Variants in FOCAD observed in about 807,000 individuals in gnomAD.
The protein encoded by FOCAD is focadhesin.
Under a neutral mutation model 225.6 loss-of-function variants are expected in FOCAD, and 198 were observed. The observed-to-expected ratio is 0.88, with a 90% confidence interval of 0.78 to 0.99. FOCAD has a LOEUF of 0.99. FOCAD is among the 50% of genes least tolerant of loss of function. FOCAD has a pLI of 0.00. For missense variants in FOCAD, 2,713 were observed against 2,123.6 expected, an observed-to-expected ratio of 1.28 and a Z score of -5.46; for synonymous variants, 897 against 755.0, an observed-to-expected ratio of 1.19 and a Z score of -3.08.
chr9:20,673,746 G>A (rs547280348), intron 2 of FOCAD, among the ~76,000 whole-genome samples: 1 of 152,204 alleles, frequency 6.6e-6, no homozygotes, highest in East Asian at 1.9e-4. Flanking sequence ...GGGACTACAC[G>A]TGCGTGCCAC....
chr9:20,951,226 G>C (rs1178781667), intron 34 of FOCAD, 128 bp downstream of exon 34: 2 of 694,940 alleles, frequency 2.9e-6, no homozygotes, highest in African/African-American at 3.6e-5. Context: ...TCTGTTTTAC[G>C]TCAGAGGGAA....
intron 28 of FOCAD, among the ~76,000 whole-genome samples, chr9:20,940,764 G>A (rs1836570095): frequency 6.6e-6 from 1 of 152,182 alleles, no homozygotes; most frequent in African/African-American, 2.4e-5. Context: ...TCAGATAGGA[G>A]GCTTGTTTCA....
At chr9:20,877,986 A>G (rs1462150564) in intron 19 of FOCAD, among the ~76,000 whole-genome samples, 1 of 152,168 alleles carries the variant, frequency 6.6e-6, no homozygotes. Context: ...ATCTCGAGAT[A>G]TTTTATGTTT....
intron 11 of FOCAD, among the ~76,000 whole-genome samples, chr9:20,803,723 A>C (rs1264969729): frequency 2.0e-5 from 3 of 152,106 alleles, no homozygotes. Context: ...TTAATCTTGC[A>C]GACTTGGGCT....
intron 39 of FOCAD, 23 bp from the exon 40 acceptor site, chr9:20,986,265 A>ATTTTTTTTTTTTTTTTTTTTTT (rs762071895): frequency 4.4e-6 from 2 of 457,004 alleles, no homozygotes; most frequent in African/African-American, 5.1e-5. Context: ...GTAACTAAAC[A>ATTTTTTTTTTTTTTTTTTTTTT]ATTTTTTTTT....
Position 20,791,696 on chromosome 9 carries a change from T to A in FOCAD, c.1455+2088T>A, listed in dbSNP as rs6475474. On this transcript the variant is annotated intron_variant, in intron 11 of 43. Coordinates refer to ENST00000338382, the MANE Select transcript of FOCAD (RefSeq NM_001375567.1). ...GCCTTGCTTAGGTCATGTGTTTACA[T>A]TGGACTAACCATCATGATGGGATAA... Among the ~76,000 whole-genome samples the A allele has an allele frequency of 3.3e-5, 5 of 151,958 alleles. No homozygotes were observed. The South Asian group carries it at 1.0e-3, about 32-fold the overall frequency.
upstream of FOCAD, among the ~76,000 whole-genome samples, chr9:20,656,261 G>C (rs1322329385): frequency 6.6e-6 from 1 of 151,392 alleles, no homozygotes; most frequent in Non-Finnish European, 1.5e-5. Context: ...CTGTTGATTT[G>C]GGGTGGAGAG....
Position 20,874,805 on chromosome 9 carries a change from C to T in FOCAD, c.2315C>T (p.Pro772Leu), listed in dbSNP as rs1302395983. 2 of 1,613,296 alleles carry T rather than the reference C, an allele frequency of 1.2e-6. No homozygotes were observed. Among genetic ancestry groups the T allele is most frequent in the Non-Finnish European group, 1.7e-6 (2 of 1,179,586 alleles). The change falls in exon 19 of 44, where the codon CCA becomes CTA. Residue 772 changes from proline (P) to leucine (L), a missense_variant and splice_region_variant. Coordinates refer to ENST00000338382, the MANE Select transcript of FOCAD (RefSeq NM_001375567.1). Reference protein sequence around the residue: ...LLSLTPPLVLPALEEFFTSLV... With the variant: ...LLSLTPPLVLLALEEFFTSLV... The stretch of plus-strand genomic sequence containing the variant: ...TCACTCACTCCCCCTTTGGTTTTAC[C>T]AGGTGACTCCTATTTGGTAGTAGAG...
At chr9:20,796,283 A>G (rs1821095549) in intron 11 of FOCAD, among the ~76,000 whole-genome samples, 1 of 152,210 alleles carries the variant, frequency 6.6e-6, no homozygotes, top group Non-Finnish European at 1.5e-5. Flanking sequence ...ATACGTGTGC[A>G]TGTGTCTTTA....
intron 38 of FOCAD, 56 bp downstream of exon 38, chr9:20,981,742 G>C: frequency 1.3e-6 from 2 of 1,551,684 alleles, no homozygotes; most frequent in Non-Finnish European, 1.7e-6. Context: ...TATTTTAAAG[G>C]CTTCTTGGCA....
Position 20,789,456 on chromosome 9 carries a change from T to C in FOCAD, c.1303T>C (p.Leu435=). ...MTDSSAASDW[L]ASVESLLPIT... ...AGACTCGTCTGCTGCAAGTGACTGG[T>C]TGGCTTCAGTAGAGTCATTGCTTCC... The change falls in exon 11 of 44, where the codon TTG becomes CTG. Residue 435 remains leucine (L), a synonymous_variant. Transcript: ENST00000338382. The C allele has an allele frequency of 6.2e-7, 1 of 1,614,066 alleles. No homozygotes were observed. Among genetic ancestry groups the C allele is most frequent in the East Asian group, 2.2e-5 (1 of 44,876 alleles).
At chr9:20,695,600 T>C (rs1823306304) in intron 1 of FOCAD, among the ~76,000 whole-genome samples, 1 of 152,228 alleles carries the variant, frequency 6.6e-6, no homozygotes, top group Non-Finnish European at 1.5e-5. Context: ...TGTAAAGAGA[T>C]ATGAAATGGA....
Position 20,918,592 on chromosome 9 carries a change from C to T in FOCAD, c.2852+1655C>T, listed in dbSNP as rs561854799. On this transcript the variant is annotated intron_variant, in intron 24 of 43. Coordinates refer to ENST00000338382, the MANE Select transcript of FOCAD (RefSeq NM_001375567.1). ...CAAAAAAATTAGCCGGGCGTAATGG[C>T]GGGCGCCTGTAGTCCCAGCTACTTG... 1.4e-4 allele frequency among the ~76,000 whole-genome samples: 22 copies of T among 151,950 alleles called. No homozygotes were observed. In the South Asian group the frequency reaches 3.3e-3, roughly 23 times the overall value.
At chr9:20,713,392 A>G (rs962204251) in intron 1 of FOCAD, among the ~76,000 whole-genome samples, 2 of 152,154 alleles carry the variant, frequency 1.3e-5, no homozygotes, top group African/African-American at 4.8e-5. Context: ...TGGCTAATCT[A>G]ACTTCCTTTC....
At chr9:20,830,031 A>G (rs1825327742) in intron 15 of FOCAD, among the ~76,000 whole-genome samples, 1 of 152,108 alleles carries the variant, frequency 6.6e-6, no homozygotes, top group African/African-American at 2.4e-5. Flanking sequence ...GCCCAAATTC[A>G]TACAACTAAA....
chr9:20,746,060 C>T (rs1314472496), intron 5 of FOCAD, among the ~76,000 whole-genome samples: 1 of 152,118 alleles, frequency 6.6e-6, no homozygotes, highest in East Asian at 1.9e-4. Context: ...GTGTTCATCA[C>T]TTAAGGCCAT....
chr9:20,801,008 A>C (rs1017125840), intron 11 of FOCAD, among the ~76,000 whole-genome samples: 9 of 152,134 alleles, frequency 5.9e-5, no homozygotes, highest in African/African-American at 2.2e-4. Flanking sequence ...GATGATGGTG[A>C]AGTACAGATG....
intron 43 of FOCAD, among the ~76,000 whole-genome samples, chr9:20,994,027 A>G (rs374964637): frequency 1.8e-4 from 28 of 152,212 alleles, no homozygotes; most frequent in African/African-American, 6.5e-4. Context: ...ACATATTTAT[A>G]ATCATATACA....
At chr9:20,857,461 C>A (rs1390200561) in intron 15 of FOCAD, among the ~76,000 whole-genome samples, 1 of 151,724 alleles carries the variant, frequency 6.6e-6, no homozygotes, top group East Asian at 1.9e-4. Context: ...CTGTGACTTT[C>A]CTGAGTTTAA....
Sources: allele counts gnomAD v4.1 joint callset (sites outside exome capture counted in the v4.1 genomes callset), GRCh38; gene constraint gnomAD v4.1.1; transcripts MANE v1.5; gene names NCBI Gene and HGNC (gene_info 2026-07-23, HGNC 2026-07-21).